AGBL1: variants seen among roughly 807,000 people sequenced by gnomAD.
The protein encoded by AGBL1 is cytosolic carboxypeptidase 4.
Under a neutral mutation model 118.9 loss-of-function variants are expected in AGBL1, and 130 were observed. The observed-to-expected ratio is 1.09, with a 90% CI of 0.95 to 1.26. The LOEUF (loss-of-function observed/expected upper bound fraction) is 1.26, where lower values mean the gene tolerates loss of function less well. Ranked by LOEUF, AGBL1 falls within the 50% of genes most tolerant of loss-of-function variation. AGBL1 has a pLI of 0.00. For missense variants in AGBL1, 1,584 were observed against 1,298.1 expected (o/e 1.22, Z -3.38); for synonymous variants, 555 against 478.9 (o/e 1.16, Z -2.08).
intron 22 of AGBL1, among the ~76,000 whole-genome samples, chr15:86,819,396 C>A (rs1206989899): frequency 3.3e-5 from 5 of 152,034 alleles, no homozygotes; most frequent in Non-Finnish European, 7.4e-5. Context: ...CCCATTGTCT[C>A]AGCCCAAAAC....
At chr15:86,085,765 A>C (rs148309813) in intron 1 of AGBL1, among the ~76,000 whole-genome samples, 483 of 152,276 alleles carry the variant, frequency 3.2e-3, no homozygotes, top group African/African-American at 0.01. Flanking sequence ...CTGTTCTACA[A>C]CACTTGATTT....
Position 86,204,887 on chromosome 15 carries a change from G to A in AGBL1, c.489-20027G>A, listed in dbSNP as rs538661092. 1.4e-3 allele frequency among the ~76,000 whole-genome samples: 218 copies of A among 152,224 alleles called. 3 individuals are homozygous for A. In the South Asian group the frequency reaches 0.044, roughly 31 times the overall value. ...CTACAGGTATGAGCCACCGTGCCCA[G>A]CCTACAATTTCTGAATCTACATTGG... is the stretch of plus-strand genomic sequence containing the variant. On this transcript the variant is annotated intron_variant, in intron 5 of 22. Transcript: ENST00000614907.
At chr15:86,528,446 C>G (rs932920676) in intron 19 of AGBL1, among the ~76,000 whole-genome samples, 1 of 152,102 alleles carries the variant, frequency 6.6e-6, no homozygotes, top group Admixed American at 6.5e-5. Context: ...ACACCTGGCT[C>G]GGAGGGTCCT....
At chr15:86,426,399 G>A (rs746062251) in intron 18 of AGBL1, among the ~76,000 whole-genome samples, 1 of 152,190 alleles carries the variant, frequency 6.6e-6, no homozygotes, top group Non-Finnish European at 1.5e-5. Context: ...CATATATTTT[G>A]TGTCTACCAG....
chr15:86,215,058 C>A (rs2078161916), intron 5 of AGBL1, among the ~76,000 whole-genome samples: 1 of 152,120 alleles, frequency 6.6e-6, no homozygotes, highest in African/African-American at 2.4e-5. Flanking sequence ...CATTTCTGCA[C>A]CATATGTTTA....
chr15:86,113,515 A>G (rs1897566172), intron 1 of AGBL1, among the ~76,000 whole-genome samples: 1 of 151,576 alleles, frequency 6.6e-6, no homozygotes, highest in African/African-American at 2.4e-5. Flanking sequence ...CGAACTCCTG[A>G]CTTCAGGTGG....
intron 24 of AGBL1, among the ~76,000 whole-genome samples, chr15:87,028,111 C>T (rs2081752708): frequency 6.6e-6 from 1 of 151,712 alleles, no homozygotes; most frequent in Admixed American, 6.6e-5. Flanking sequence ...TCTCCATTTC[C>T]TCTAATACCT....
intron 24 of AGBL1, among the ~76,000 whole-genome samples, chr15:86,991,602 A>C (rs2081336156): frequency 6.6e-6 from 1 of 152,176 alleles, no homozygotes; most frequent in Non-Finnish European, 1.5e-5. Context: ...ATGACTCTTG[A>C]CTGAGGGACC....
At chr15:86,273,578 C>G (rs1330868342) in intron 15 of AGBL1, among the ~76,000 whole-genome samples, 1 of 152,218 alleles carries the variant, frequency 6.6e-6, no homozygotes, top group Non-Finnish European at 1.5e-5. Flanking sequence ...TGCAATATCT[C>G]TCTCCCTATT....
chr15:86,775,976 C>G (rs1399677334), intron 22 of AGBL1, among the ~76,000 whole-genome samples: 1 of 151,976 alleles, frequency 6.6e-6, no homozygotes, highest in Non-Finnish European at 1.5e-5. Flanking sequence ...CTTTTTCTAC[C>G]TTTGCTAGAC....
chr15:86,228,035 T>C (rs1201190920), intron 6 of AGBL1, among the ~76,000 whole-genome samples: 1 of 152,202 alleles, frequency 6.6e-6, no homozygotes, highest in Non-Finnish European at 1.5e-5. Flanking sequence ...CTGCCGTCTT[T>C]GTTTTACCAG....
At chr15:86,924,878 ATCC>A (rs2080514954) in intron 23 of AGBL1, among the ~76,000 whole-genome samples, 1 of 152,068 alleles carries the variant, frequency 6.6e-6, no homozygotes, top group Non-Finnish European at 1.5e-5. Flanking sequence ...GATTGAGACC[ATCC>A]TGGCTAACAT....
chr15:86,662,080 A>G (rs534802515), intron 21 of AGBL1, among the ~76,000 whole-genome samples: 2 of 151,904 alleles, frequency 1.3e-5, no homozygotes, highest in South Asian at 2.1e-4. Context: ...TGTTTTATCC[A>G]TATCAAATGA....
At chr15:86,894,321 GGA>G (rs1596602610) in intron 22 of AGBL1, among the ~76,000 whole-genome samples, 1 of 152,110 alleles carries the variant, frequency 6.6e-6, no homozygotes, top group African/African-American at 2.4e-5. Flanking sequence ...TCAAGAGGGA[GGA>G]GAGAGAGAGA....
At chr15:86,220,047 G>A (rs1262418382) in intron 5 of AGBL1, among the ~76,000 whole-genome samples, 1 of 149,012 alleles carries the variant, frequency 6.7e-6, no homozygotes. Flanking sequence ...TACTGCCTGG[G>A]TTCAAGCAAT....
At chr15:86,363,969 A>G (rs1596018447) in intron 17 of AGBL1, among the ~76,000 whole-genome samples, 2 of 152,184 alleles carry the variant, frequency 1.3e-5, no homozygotes. Flanking sequence ...CAGCTTTTAT[A>G]TTCTACCTAT....
chr15:87,014,755 A>C (rs2081593036), intron 24 of AGBL1, among the ~76,000 whole-genome samples: 2 of 152,180 alleles, frequency 1.3e-5, no homozygotes. Context: ...CAGTGGGGGA[A>C]TACCTGAACA....
intron 22 of AGBL1, among the ~76,000 whole-genome samples, chr15:86,727,058 G>T (rs868869002): frequency 1.5e-4 from 23 of 152,294 alleles, no homozygotes; most frequent in African/African-American, 4.6e-4. Flanking sequence ...CCTTTGGACT[G>T]TGTTGTATCA....
At chr15:86,079,774 C>G (rs1016612486), upstream of AGBL1, 1 of 388,910 alleles carries the variant, frequency 2.6e-6, no homozygotes, top group Non-Finnish European at 4.5e-6. Flanking sequence ...CTAATCCCCA[C>G]AGTGGGAGTC....
Sources: allele counts gnomAD v4.1 joint callset (sites outside exome capture counted in the v4.1 genomes callset), GRCh38; gene constraint gnomAD v4.1.1; transcripts MANE v1.5; gene names NCBI Gene and HGNC (gene_info 2026-07-23, HGNC 2026-07-21).